The following PRDM2 variants were observed in gnomAD, a reference collection of about 807,000 sequenced individuals.
PRDM2 encodes PR domain zinc finger protein 2.
A neutral mutation model predicts 130.0 loss-of-function variants in PRDM2; 30 were observed. The ratio of observed to expected loss-of-function variants is 0.23; its 90% CI spans 0.17 to 0.31. The LOEUF is 0.31. Ranked by LOEUF, PRDM2 falls within the 10% of genes least tolerant of loss-of-function variation. The pLI is 1.00. For synonymous variants in PRDM2, 871 were observed against 782.4 expected (o/e 1.11, Z -1.89); for missense variants, 2,011 against 2,108.4 (o/e 0.95, Z 0.90).
Position 13,779,010 on chromosome 1 carries a change from G to A in PRDM2, c.1215G>A (p.Arg405=). 1 of 1,614,182 alleles carries A rather than the reference G, an allele frequency of 6.2e-7. No homozygotes were observed. Among genetic ancestry groups the A allele is most frequent in the Non-Finnish European group, 8.5e-7 (1 of 1,180,026 alleles). ...CGKAFGTQIN[R]RRHERRHEAG... The stretch of plus-strand genomic sequence containing the variant: ...AAGCCTTTGGCACACAGATTAACCG[G>A]CGGCGACATGAGCGGCGCCATGAAG... The change falls in exon 8 of 10, where the codon CGG becomes CGA. Residue 405 remains arginine, a synonymous_variant. Transcript: ENST00000311066. The surrounding 1 kb of genome is among the most constrained non-coding windows in gnomAD (Gnocchi z 4.9).
intron 6 of PRDM2, chr1:13,769,146 C>T (rs1397498453): frequency 5.1e-6 from 5 of 985,610 alleles, no homozygotes; most frequent in Non-Finnish European, 3.6e-6. Context: ...CTGGCAGTAG[C>T]GCCCTGTAGG....
intron 1 of PRDM2, among the ~76,000 whole-genome samples, chr1:13,703,492 G>C (rs1471268535): frequency 2.6e-5 from 4 of 152,246 alleles, no homozygotes; most frequent in African/African-American, 9.6e-5. Flanking sequence ...TTGAAGCCAA[G>C]AAGTGGACTT....
At chr1:13,793,092 T>A (rs1438453889) in intron 8 of PRDM2, among the ~76,000 whole-genome samples, 1 of 152,210 alleles carries the variant, frequency 6.6e-6, no homozygotes, top group East Asian at 1.9e-4. Flanking sequence ...GCAGAGAGTG[T>A]GTGTAGGATC....
intron 6 of PRDM2, among the ~76,000 whole-genome samples, chr1:13,750,155 G>A (rs1338703482): frequency 6.6e-6 from 1 of 152,186 alleles, no homozygotes; most frequent in Non-Finnish European, 1.5e-5. Context: ...CGAACAAAAG[G>A]TAAAGTGTAG....
intron 1 of PRDM2, among the ~76,000 whole-genome samples, chr1:13,714,492 A>G (rs530553648): frequency 6.6e-6 from 1 of 152,318 alleles, no homozygotes; most frequent in South Asian, 2.1e-4. Context: ...ACTTAAATAT[A>G]GTGCCTTTGG....
rs117865894 is a variant in PRDM2 at position 13,781,269 on chromosome 1, A to G, written c.3474A>G (p.Glu1158=). 3.2e-3 allele frequency: 5,189 copies of G among 1,614,250 alleles called. 143 individuals are homozygous for G. The South Asian group carries it at 0.046, about 14-fold the overall frequency. ...CCAAACATTTATCTATTCATGCTGAAGAATGGCCCTTCAAATGTGAATTTT... is the reference window on the plus strand; with the variant it reads ...CCAAACATTTATCTATTCATGCTGAGGAATGGCCCTTCAAATGTGAATTTT... ...DLTKHLSIHA[E]EWPFKCEFCV... is the part of the protein sequence containing the mutation. The change falls in exon 8 of 10, where the codon GAA becomes GAG. Residue 1158 remains glutamate (E), a synonymous_variant. Coordinates refer to ENST00000311066, the MANE Select transcript of PRDM2 (RefSeq NM_001393986.1). This position sits in a 1 kb window ranked among gnomAD's most constrained non-coding sequence, Gnocchi z 6.1.
intron 2 of PRDM2, among the ~76,000 whole-genome samples, chr1:13,726,904 A>G (rs1642934913): frequency 6.6e-6 from 1 of 152,186 alleles, no homozygotes; most frequent in Admixed American, 6.5e-5. Context: ...GACAGGGCGT[A>G]CTGGGAGACG....
intron 7 of PRDM2, among the ~76,000 whole-genome samples, chr1:13,776,638 C>T (rs954582789): frequency 6.6e-6 from 1 of 152,250 alleles, no homozygotes; most frequent in East Asian, 1.9e-4. Context: ...CTTGCTGTCA[C>T]AATCACAAGA....
At chr1:13,787,244 A>G in intron 8 of PRDM2, 2 of 983,846 alleles carry the variant, frequency 2.0e-6, no homozygotes, top group African/African-American at 1.7e-5. Flanking sequence ...CTATGTAGCA[A>G]TATATCAGTG....
intron 7 of PRDM2, among the ~76,000 whole-genome samples, chr1:13,776,785 C>G (rs1644484290): frequency 6.6e-6 from 1 of 152,144 alleles, no homozygotes; most frequent in African/African-American, 2.4e-5. Flanking sequence ...TCTCTTGGTT[C>G]TCTGGATACC....
chr1:13,752,793 G>T lies in PRDM2; in HGVS notation c.511+3306G>T, dbSNP rs147234777. ...CGGGATGCCTGGGCGTTTACCAGGT[G>T]TGCGATCTTGGACAGCTCATGTCAC... On this transcript the variant is annotated intron_variant, in intron 6 of 9. Transcript: ENST00000311066. Among the ~76,000 whole-genome samples, 313 of 152,326 alleles carry T rather than the reference G, an allele frequency of 2.1e-3. 1 individual carries two copies. The highest frequency in any genetic ancestry group is 7.0e-3 in the African/African-American group (290 of 41,564).
rs893196541 is a variant in PRDM2 at position 13,771,527 on chromosome 1, C to G, written c.512-1551C>G. Among the ~76,000 whole-genome samples the G allele has an allele frequency of 6.6e-6, 1 of 152,124 alleles. No individual in the cohort carries two copies. The highest frequency in any genetic ancestry group is 2.1e-4 in the South Asian group (1 of 4,826). On this transcript the variant is annotated intron_variant, in intron 6 of 9. Coordinates refer to ENST00000311066, the MANE Select transcript of PRDM2 (RefSeq NM_001393986.1). This position sits in a 1 kb window ranked among gnomAD's most constrained non-coding sequence, Gnocchi z 4.1. ...CAGGCGGATCATGAGGTCAGGAGAT[C>G]GAGACCATCCTGGCTAAGATGGTGA...
At chr1:13,772,541 G>T (rs115853822) in intron 6 of PRDM2, among the ~76,000 whole-genome samples, 2 of 152,148 alleles carry the variant, frequency 1.3e-5, no homozygotes, top group Non-Finnish European at 2.9e-5. Context: ...TAATTACTCT[G>T]CATTTGGTAT....
intron 6 of PRDM2, among the ~76,000 whole-genome samples, chr1:13,756,740 C>G (rs545453943): frequency 6.6e-6 from 1 of 152,194 alleles, no homozygotes; most frequent in Non-Finnish European, 1.5e-5. Context: ...CACATCATGT[C>G]ATTATGCCAT....
chr1:13,820,429 A>G (rs757847372), intron 9 of PRDM2, among the ~76,000 whole-genome samples: 88 of 152,320 alleles, frequency 5.8e-4, no homozygotes, highest in Non-Finnish European at 7.5e-4. Context: ...TTAAGTGCAG[A>G]AAAGTGCTGT....
intron 9 of PRDM2, among the ~76,000 whole-genome samples, chr1:13,820,141 G>A (rs553456839): frequency 6.6e-6 from 1 of 152,242 alleles, no homozygotes; most frequent in African/African-American, 2.4e-5. Flanking sequence ...ACGGATCTTC[G>A]ACTTCTAATT....
chr1:13,755,830 TTC>T (rs1643936433), intron 6 of PRDM2, among the ~76,000 whole-genome samples: 1 of 152,050 alleles, frequency 6.6e-6, no homozygotes, highest in African/African-American at 2.4e-5. Flanking sequence ...GACAGGGTCT[TTC>T]TGTGTTGCCC....
chr1:13,766,754 G>C (rs1557633557), intron 6 of PRDM2, among the ~76,000 whole-genome samples: 1 of 152,118 alleles, frequency 6.6e-6, no homozygotes, highest in Non-Finnish European at 1.5e-5. Context: ...CTTCAGAGTT[G>C]GATAGCTCCC....
chr1:13,796,861 C>T (rs1303831199), intron 8 of PRDM2, among the ~76,000 whole-genome samples: 1 of 152,150 alleles, frequency 6.6e-6, no homozygotes, highest in Non-Finnish European at 1.5e-5. Context: ...GTATAACACA[C>T]CGTATAATGG....
Sources: allele counts gnomAD v4.1 joint callset (sites outside exome capture counted in the v4.1 genomes callset), GRCh38; gene constraint gnomAD v4.1.1; non-coding constraint Gnocchi (gnomAD v3.1); transcripts MANE v1.5; gene names NCBI Gene and HGNC (gene_info 2026-07-23, HGNC 2026-07-21).